The following B4GALT6 variants were observed in gnomAD, a reference collection of about 807,000 sequenced individuals.
B4GALT6 encodes UDP-Gal:beta-GlcNAc beta-1,4-galactosyltransferase 6.
Under a neutral mutation model 46.3 loss-of-function variants are expected in B4GALT6, and 14 were observed. That is an observed-to-expected ratio of 0.30 (90% CI 0.20 to 0.47). B4GALT6 has a LOEUF of 0.47. Ranked by LOEUF, B4GALT6 falls within the 20% of genes least tolerant of loss-of-function variation. The probability of loss-of-function intolerance (pLI) is 0.99; values close to 1 mark genes in which losing one functional copy is unlikely to be tolerated. For missense variants in B4GALT6, 386 were observed against 480.1 expected, an observed-to-expected ratio of 0.80 and a Z score of 1.83; for synonymous variants, 168 against 162.0, an observed-to-expected ratio of 1.04 and a Z score of -0.28.
the B4GALT6 span, among the ~76,000 whole-genome samples, chr18:31,699,507 C>T: frequency 6.7e-6 from 1 of 150,334 alleles, no homozygotes; most frequent in African/African-American, 2.5e-5. Context: ...CTCCTGACCT[C>T]AGGTGATCTG....
At chr18:31,721,860 T>TTCTC in the B4GALT6 span, among the ~76,000 whole-genome samples, 3,862 of 151,352 alleles carry the variant, frequency 0.026, 150 homozygotes, top group African/African-American at 0.089. Context: ...TTCTCTTTCT[T>TTCTC]TCTCTCTCTC....
Position 31,684,462 on chromosome 18 carries a change from T to C in B4GALT6, c.-36A>G. ...CCTGCCAGCAGCCCAGGCTGCGCTC[T>C]CAGGCCGGACTCGGGGCCACTGTCC... On this transcript the variant is annotated 5_prime_UTR_variant, in exon 1 of 9. Transcript: ENST00000306851. 1 of 1,606,034 alleles carries C rather than the reference T, an allele frequency of 6.2e-7. No homozygotes were observed. Among genetic ancestry groups the C allele is most frequent in the Non-Finnish European group, 8.5e-7 (1 of 1,176,060 alleles).
intron 4 of B4GALT6, among the ~76,000 whole-genome samples, chr18:31,639,739 AG>A (rs2073906710): frequency 6.6e-6 from 1 of 152,178 alleles, no homozygotes. Flanking sequence ...ATAGTTTCTT[AG>A]TACGTTAATC....
chr18:31,699,252 A>ATAGACAGATAT, the B4GALT6 span, among the ~76,000 whole-genome samples: 6 of 147,324 alleles, frequency 4.1e-5, no homozygotes, highest in Non-Finnish European at 8.9e-5. Context: ...AATAAAGGCA[A>ATAGACAGATAT]TAGACAGATA....
chr18:31,685,264 C>T (rs1436422733), upstream of B4GALT6, among the ~76,000 whole-genome samples: 4 of 150,332 alleles, frequency 2.7e-5, no homozygotes, highest in African/African-American at 4.9e-5. Context: ...CCGCCGGGCC[C>T]GCGGACACCA....
chr18:31,630,114 G>C (rs1484963170), intron 6 of B4GALT6, among the ~76,000 whole-genome samples: 2 of 149,698 alleles, frequency 1.3e-5, no homozygotes, highest in Non-Finnish European at 3.0e-5. Flanking sequence ...AGCGGGAGTG[G>C]GGAGGAGGAG....
Position 31,625,969 on chromosome 18 carries a change from T to G in B4GALT6, c.1002-208A>C, listed in dbSNP as rs138536097. On this transcript the variant is annotated intron_variant, in intron 8 of 8. Transcript: ENST00000306851. ...GAAATGCCACCTGAAAAAATTATTT[T>G]GCACTTTTACAATTAGACATCTTTA... Among the ~76,000 whole-genome samples the G allele has an allele frequency of 6.6e-5, 10 of 152,346 alleles. No individual in the cohort carries two copies. The East Asian group carries it at 1.9e-3, about 29-fold the overall frequency.
chr18:31,673,359 G>A (rs552354671), intron 1 of B4GALT6, among the ~76,000 whole-genome samples: 1 of 152,300 alleles, frequency 6.6e-6, no homozygotes, highest in South Asian at 2.1e-4. Context: ...TCCAGAAGCA[G>A]AAGGTTAAGA....
chr18:31,629,891 T>C (rs2073759925), intron 6 of B4GALT6, among the ~76,000 whole-genome samples: 1 of 149,438 alleles, frequency 6.7e-6, no homozygotes, highest in Non-Finnish European at 1.5e-5. Flanking sequence ...ATTGTGAACC[T>C]TGATGGCCTT....
At chr18:31,673,609 A>G (rs544481765) in intron 1 of B4GALT6, among the ~76,000 whole-genome samples, 1 of 152,202 alleles carries the variant, frequency 6.6e-6, no homozygotes, top group Non-Finnish European at 1.5e-5. Context: ...ATGAACTAAC[A>G]TTTACTAAGT....
intron 2 of B4GALT6, among the ~76,000 whole-genome samples, chr18:31,664,529 CT>C (rs35854175): frequency 3.1e-3 from 433 of 137,910 alleles, no homozygotes; most frequent in Middle Eastern, 3.7e-3. Context: ...AAGGATTTTC[CT>C]TTTTTTTTTT....
intron 4 of B4GALT6, among the ~76,000 whole-genome samples, chr18:31,641,961 G>C (rs2073935566): frequency 6.6e-6 from 1 of 152,184 alleles, no homozygotes; most frequent in African/African-American, 2.4e-5. Flanking sequence ...TTTAGGCTTG[G>C]TAACCTTAAG....
At chr18:31,707,042 T>G in the B4GALT6 span, among the ~76,000 whole-genome samples, 1 of 152,132 alleles carries the variant, frequency 6.6e-6, no homozygotes, top group African/African-American at 2.4e-5. Context: ...AAACATACAT[T>G]ACCTATACTA....
the B4GALT6 span, among the ~76,000 whole-genome samples, chr18:31,698,166 C>T: frequency 1.3e-5 from 2 of 152,296 alleles, no homozygotes; most frequent in Admixed American, 1.3e-4. Context: ...ATGCTTCATT[C>T]TGTGTTAGAT....
In B4GALT6 at chr18:31,626,855, A is replaced by G. The variant is rs908387392; in HGVS notation, c.899+144T>C. The G allele has an allele frequency of 2.6e-5, 17 of 661,802 alleles. No individual in the cohort carries two copies. In the African/African-American group the frequency reaches 2.7e-4, roughly 10 times the overall value. 41.0% of individuals were successfully genotyped at this position (661,802 alleles called of 1,614,324 possible). A position where few individuals can be genotyped will look rare whatever the true frequency, so the allele number is the denominator to read the frequency against. On this transcript the variant is annotated intron_variant, in intron 7 of 8. Transcript: ENST00000306851. The stretch of plus-strand genomic sequence containing the variant: ...CAGAAAGCAGACTTAATGAAAAAAA[A>G]AGAGAAATATAAAACAGGGTTTAGA...
intron 1 of B4GALT6, among the ~76,000 whole-genome samples, chr18:31,670,219 A>G (rs1038476352): frequency 6.6e-6 from 1 of 151,782 alleles, no homozygotes; most frequent in Non-Finnish European, 1.5e-5. Flanking sequence ...ATGCCCACCT[A>G]ATTTTTTGTA....
upstream of B4GALT6, among the ~76,000 whole-genome samples, chr18:31,685,059 C>T (rs992820472): frequency 1.4e-5 from 2 of 145,902 alleles, no homozygotes; most frequent in African/African-American, 4.9e-5. Flanking sequence ...AGGAGCTGGG[C>T]GCTCGCCTGC....
chr18:31,667,570 C>T (rs2074296654), intron 1 of B4GALT6, among the ~76,000 whole-genome samples: 2 of 152,100 alleles, frequency 1.3e-5, no homozygotes, highest in African/African-American at 2.4e-5. Context: ...GCTCAAAGTA[C>T]ATATGAAGAG....
At chr18:31,655,937 A>G (rs893618388) in intron 3 of B4GALT6, among the ~76,000 whole-genome samples, 2 of 151,966 alleles carry the variant, frequency 1.3e-5, no homozygotes, top group Admixed American at 1.3e-4. Context: ...CAGGCCCACT[A>G]CTCTAGATCA....
Sources: gnomAD v4.1 joint callset for allele counts (sites outside exome capture counted in the v4.1 genomes callset) on GRCh38, gnomAD v4.1.1 for gene constraint, MANE v1.5 for transcripts, NCBI Gene and HGNC (gene_info 2026-07-23, HGNC 2026-07-21) for gene names.